PLCL1: variants seen among roughly 807,000 people sequenced by gnomAD.
PLCL1 encodes phospholipase C like 1 (inactive), also known as inactive phospholipase C-like protein 1.
A neutral mutation model predicts 84.4 loss-of-function variants in PLCL1; 41 were observed. That is an observed-to-expected ratio of 0.49 (90% CI 0.38 to 0.63). The LOEUF is 0.63. PLCL1 is among the 30% of genes least tolerant of loss of function. PLCL1 has a pLI of 0.00. For synonymous variants in PLCL1, 490 were observed against 488.3 expected (o/e 1.00, Z -0.05); for missense variants, 1,206 against 1,367.8 (o/e 0.88, Z 1.87).
intron 1 of PLCL1, among the ~76,000 whole-genome samples, chr2:197,958,295 A>G (rs1689531609): frequency 6.6e-6 from 1 of 151,970 alleles, no homozygotes; most frequent in Admixed American, 6.6e-5. Context: ...TCCCTGGTCC[A>G]CATTAGAAGA....
At chr2:197,840,052 T>G (rs1263320516) in intron 1 of PLCL1, among the ~76,000 whole-genome samples, 1 of 152,194 alleles carries the variant, frequency 6.6e-6, no homozygotes, top group African/African-American at 2.4e-5. Flanking sequence ...CCAAGTATTA[T>G]AGTAGGAAGT....
At chr2:197,840,649 G>A (rs961891597) in intron 1 of PLCL1, among the ~76,000 whole-genome samples, 1 of 152,138 alleles carries the variant, frequency 6.6e-6, no homozygotes, top group African/African-American at 2.4e-5. Flanking sequence ...TTTAGAAATA[G>A]GAGGAATAAA....
intron 1 of PLCL1, among the ~76,000 whole-genome samples, chr2:198,003,486 C>T (rs1306997923): frequency 6.6e-6 from 1 of 152,152 alleles, no homozygotes; most frequent in Non-Finnish European, 1.5e-5. Context: ...TGTATTGGTT[C>T]GTTGACTTTA....
intron 1 of PLCL1, among the ~76,000 whole-genome samples, chr2:198,030,645 G>A (rs1018047744): frequency 1.8e-4 from 27 of 152,134 alleles, no homozygotes; most frequent in African/African-American, 6.3e-4. Context: ...TGCTTTACAT[G>A]TCATTAATGC....
At chr2:198,041,019 G>T (rs760476494) in intron 1 of PLCL1, among the ~76,000 whole-genome samples, 4 of 152,160 alleles carry the variant, frequency 2.6e-5, no homozygotes, top group East Asian at 1.9e-4. Flanking sequence ...TGCATAAGTT[G>T]CTCCCAGTTT....
chr2:197,950,427 T>A, intron 1 of PLCL1, among the ~76,000 whole-genome samples: 1 of 152,136 alleles, frequency 6.6e-6, no homozygotes, highest in African/African-American at 2.4e-5. Flanking sequence ...GGAAATTGTT[T>A]TCCTGAGCAT....
At chr2:197,853,719 A>T (rs747670137) in intron 1 of PLCL1, among the ~76,000 whole-genome samples, 4 of 152,066 alleles carry the variant, frequency 2.6e-5, no homozygotes, top group Non-Finnish European at 5.9e-5. Flanking sequence ...AGACTTGTTC[A>T]AGGGCTGCCT....
intron 1 of PLCL1, among the ~76,000 whole-genome samples, chr2:197,826,616 C>T (rs544509803): frequency 9.9e-5 from 15 of 152,100 alleles, no homozygotes; most frequent in African/African-American, 2.6e-4. Flanking sequence ...TTTTAATGAC[C>T]GATTCGTTCA....
At chr2:197,885,626 A>G (rs1352928655) in intron 1 of PLCL1, among the ~76,000 whole-genome samples, 1 of 152,178 alleles carries the variant, frequency 6.6e-6, no homozygotes, top group Non-Finnish European at 1.5e-5. Flanking sequence ...ACAAAAATTA[A>G]CCATCACACT....
intron 1 of PLCL1, among the ~76,000 whole-genome samples, chr2:198,055,444 C>G (rs1289239308): frequency 6.6e-6 from 1 of 150,534 alleles, no homozygotes; most frequent in Non-Finnish European, 1.5e-5. Flanking sequence ...TCCAGATAGT[C>G]TCCAGATAAC....
chr2:197,897,142 T>C (rs1422094530), intron 1 of PLCL1, among the ~76,000 whole-genome samples: 1 of 30,522 alleles, frequency 3.3e-5, no homozygotes, highest in Non-Finnish European at 5.9e-5. Context: ...CTTCTTCTTC[T>C]TCTTCTTCTT....
intron 1 of PLCL1, among the ~76,000 whole-genome samples, chr2:197,896,325 A>G (rs927925867): frequency 6.6e-6 from 1 of 151,980 alleles, no homozygotes; most frequent in Non-Finnish European, 1.5e-5. Context: ...ACATGTCAGA[A>G]ATATGCATAA....
intron 1 of PLCL1, among the ~76,000 whole-genome samples, chr2:197,888,635 A>G (rs968693216): frequency 6.6e-6 from 1 of 152,240 alleles, no homozygotes; most frequent in African/African-American, 2.4e-5. Context: ...AAAGTGCTCT[A>G]TACATAAGAC....
intron 1 of PLCL1, among the ~76,000 whole-genome samples, chr2:197,980,873 TG>T (rs1309296018): frequency 5.9e-5 from 9 of 152,144 alleles, no homozygotes; most frequent in Admixed American, 5.9e-4. Context: ...TGGTGGCAAA[TG>T]GTCAGAGAAG....
At chr2:197,906,328 T>C (rs954078044) in intron 1 of PLCL1, among the ~76,000 whole-genome samples, 17 of 151,838 alleles carry the variant, frequency 1.1e-4, no homozygotes, top group African/African-American at 2.7e-4. Flanking sequence ...CCTTTCCCTA[T>C]TGCTTTTTTT....
intron 1 of PLCL1, among the ~76,000 whole-genome samples, chr2:198,076,206 C>T (rs1179000568): frequency 6.6e-6 from 1 of 151,962 alleles, no homozygotes; most frequent in East Asian, 1.9e-4. Flanking sequence ...CTAGCTTTGC[C>T]TGTAGAACAT....
intron 1 of PLCL1, among the ~76,000 whole-genome samples, chr2:198,043,881 CTT>C (rs397800019): frequency 6.9e-4 from 86 of 124,786 alleles, no homozygotes; most frequent in Admixed American, 8.2e-4. Context: ...AATTCTTGTT[CTT>C]TTTTTTTTTT....
At chr2:198,087,868 C>G (rs1445005929) in intron 2 of PLCL1, among the ~76,000 whole-genome samples, 1 of 152,054 alleles carries the variant, frequency 6.6e-6, no homozygotes, top group Non-Finnish European at 1.5e-5. Flanking sequence ...TGCCTAATAC[C>G]AAAATCCATT....
chr2:197,977,855 T>C (rs1485398260), intron 1 of PLCL1, among the ~76,000 whole-genome samples: 1 of 152,210 alleles, frequency 6.6e-6, no homozygotes, highest in Non-Finnish European at 1.5e-5. Flanking sequence ...TGGAAATCCC[T>C]GGCTATTCTT....
Sources: gnomAD v4.1 joint callset for allele counts (sites outside exome capture counted in the v4.1 genomes callset) on GRCh38, gnomAD v4.1.1 for gene constraint, MANE v1.5 for transcripts, NCBI Gene and HGNC (gene_info 2026-07-23, HGNC 2026-07-21) for gene names.